The following TBC1D4 variants were observed in gnomAD, a reference collection of about 807,000 sequenced individuals.
TBC1D4 encodes the protein TBC (Tre-2, BUB2, CDC16) domain-containing protein.
Under a neutral mutation model 142.5 loss-of-function variants are expected in TBC1D4, and 121 were observed. That is an observed-to-expected ratio of 0.85 (90% confidence interval 0.73 to 0.99). The LOEUF is 0.99. Among genes scored for constraint, TBC1D4 ranks in the 50% least tolerant of loss-of-function variants. The pLI is 0.00. For missense variants in TBC1D4, 1,475 were observed against 1,606.6 expected, an observed-to-expected ratio of 0.92 and a Z score of 1.40; for synonymous variants, 630 against 628.2, an observed-to-expected ratio of 1.00 and a Z score of -0.04.
intron 1 of TBC1D4, among the ~76,000 whole-genome samples, chr13:75,397,279 T>C (rs766840573): frequency 6.6e-5 from 10 of 152,124 alleles, no homozygotes; most frequent in African/African-American, 9.7e-5. Flanking sequence ...AGTCCAGTAA[T>C]AATCAACTCC....
At chr13:75,437,207 A>G (rs1886835588) in intron 1 of TBC1D4, among the ~76,000 whole-genome samples, 1 of 152,234 alleles carries the variant, frequency 6.6e-6, no homozygotes, top group African/African-American at 2.4e-5. Context: ...ATTAAATGGT[A>G]ACAACAGATT....
At chr13:75,346,340 C>T (rs1167953687) in intron 5 of TBC1D4, among the ~76,000 whole-genome samples, 1 of 151,976 alleles carries the variant, frequency 6.6e-6, no homozygotes, top group African/African-American at 2.4e-5. Context: ...ATGTTCCCCT[C>T]CCTGTGTCTA....
chr13:75,324,697 C>A (rs976080516), intron 10 of TBC1D4, among the ~76,000 whole-genome samples: 1 of 152,122 alleles, frequency 6.6e-6, no homozygotes, highest in African/African-American at 2.4e-5. Context: ...TTTGTTTTCA[C>A]ATGCAAAAGA....
intron 1 of TBC1D4, among the ~76,000 whole-genome samples, chr13:75,369,007 G>A (rs1351087901): frequency 6.6e-6 from 1 of 151,852 alleles, no homozygotes; most frequent in Admixed American, 6.6e-5. Flanking sequence ...TTGCACCACT[G>A]CACTCCAGCC....
At chr13:75,420,886 A>T (rs1886137234) in intron 1 of TBC1D4, among the ~76,000 whole-genome samples, 1 of 152,192 alleles carries the variant, frequency 6.6e-6, no homozygotes, top group Non-Finnish European at 1.5e-5. Flanking sequence ...GAGCTGAACG[A>T]GGCCTTCAGA....
intron 5 of TBC1D4, 87 bp from the exon 6 acceptor site, chr13:75,341,674 C>A: frequency 9.7e-7 from 1 of 1,029,014 alleles, no homozygotes; most frequent in Non-Finnish European, 1.5e-6. Context: ...CACCTCTTCC[C>A]AAGCAGGCTC....
chr13:75,348,954 A>AGTGTGTGT (rs55954112), intron 5 of TBC1D4, among the ~76,000 whole-genome samples: 1,816 of 139,130 alleles, frequency 0.013, 45 homozygotes, highest in African/African-American at 0.047. Flanking sequence ...AGAGAGAGAG[A>AGTGTGTGT]GTGTGTGTGT....
chr13:75,411,823 C>A lies in TBC1D4; in HGVS notation c.499-49216G>T, dbSNP rs539342118. 4.6e-5 allele frequency among the ~76,000 whole-genome samples: 7 copies of A among 152,174 alleles called. No individual in the cohort carries two copies. The East Asian group carries it at 1.4e-3, about 29-fold the overall frequency. On this transcript the variant is annotated intron_variant, in intron 1 of 20. Transcript: ENST00000377636. ...AAAGTGCTGGGATTACAGGAGTGAG[C>A]CACCATGCCCAGCCCACGGATGTTT...
intron 3 of TBC1D4, among the ~76,000 whole-genome samples, chr13:75,356,975 T>C (rs960159594): frequency 6.6e-6 from 1 of 152,170 alleles, no homozygotes; most frequent in Admixed American, 6.5e-5. Flanking sequence ...GCAAAAAATT[T>C]AAAGTTGTCC....
At chr13:75,445,653 G>A (rs2138216956) in intron 1 of TBC1D4, among the ~76,000 whole-genome samples, 1 of 152,086 alleles carries the variant, frequency 6.6e-6, no homozygotes, top group South Asian at 2.1e-4. Context: ...GGTATAAAAG[G>A]AAAGAAAAAA....
At chr13:75,328,792 T>C (rs1396317123) in intron 8 of TBC1D4, among the ~76,000 whole-genome samples, 2 of 152,172 alleles carry the variant, frequency 1.3e-5, no homozygotes, top group African/African-American at 4.8e-5. Context: ...CAAACATTCT[T>C]AGGTTTATTT....
intron 1 of TBC1D4, among the ~76,000 whole-genome samples, chr13:75,388,854 C>A (rs1449008638): frequency 6.6e-6 from 1 of 152,160 alleles, no homozygotes; most frequent in Non-Finnish European, 1.5e-5. Flanking sequence ...ACCATATGTG[C>A]ATATAGGTTA....
intron 1 of TBC1D4, among the ~76,000 whole-genome samples, chr13:75,471,191 T>C (rs543318695): frequency 6.6e-6 from 1 of 152,104 alleles, no homozygotes; most frequent in South Asian, 2.1e-4. Flanking sequence ...TAACTTCCAG[T>C]AGAAGAAACG....
At chr13:75,335,227 C>T (rs1032140758) in intron 8 of TBC1D4, among the ~76,000 whole-genome samples, 2 of 152,148 alleles carry the variant, frequency 1.3e-5, no homozygotes, top group African/African-American at 4.8e-5. Flanking sequence ...GCAAGAGGCT[C>T]CCACACCCTG....
intron 10 of TBC1D4, among the ~76,000 whole-genome samples, chr13:75,325,628 T>C (rs1228635889): frequency 6.6e-6 from 1 of 152,230 alleles, no homozygotes; most frequent in Admixed American, 6.5e-5. Flanking sequence ...CTGTGTAAGA[T>C]CTTTTCTAAG....
intron 1 of TBC1D4, among the ~76,000 whole-genome samples, chr13:75,371,128 T>C (rs936162349): frequency 5.3e-5 from 8 of 151,142 alleles, no homozygotes. Context: ...GAAAAAATGG[T>C]GGGAGCTAAG....
rs562892574 is a variant in TBC1D4, at chr13:75,305,929, C to A, written c.2752+384G>T. 4.2e-4 allele frequency among the ~76,000 whole-genome samples: 64 copies of A among 152,096 alleles called. No homozygotes were observed. The South Asian group carries it at 8.3e-3, about 20-fold the overall frequency. On this transcript the variant is annotated intron_variant, in intron 15 of 20. Coordinates refer to ENST00000377636, the MANE Select transcript of TBC1D4 (RefSeq NM_014832.5). ...TACTTAGCCAGAATATAAATCTATA[C>A]ATATAAATACATACAAGTATATATA...
At chr13:75,387,050 A>G (rs938988250) in intron 1 of TBC1D4, among the ~76,000 whole-genome samples, 1 of 152,138 alleles carries the variant, frequency 6.6e-6, no homozygotes, top group Non-Finnish European at 1.5e-5. Context: ...TTTAGAAATT[A>G]TAACTGAGAA....
At chr13:75,345,845 T>C (rs1430034962) in intron 5 of TBC1D4, among the ~76,000 whole-genome samples, 1 of 152,138 alleles carries the variant, frequency 6.6e-6, no homozygotes, top group Non-Finnish European at 1.5e-5. Flanking sequence ...AGCTCCCCTA[T>C]AGGTTTAGAG....
Sources: allele counts gnomAD v4.1 joint callset (sites outside exome capture counted in the v4.1 genomes callset), GRCh38; gene constraint gnomAD v4.1.1; transcripts MANE v1.5; gene names NCBI Gene and HGNC (gene_info 2026-07-23, HGNC 2026-07-21).